Variants in CTNNA2 observed in about 807,000 individuals in gnomAD.
The protein encoded by CTNNA2 is catenin alpha 2, also known as catenin alpha-2.
A neutral mutation model predicts 101.0 loss-of-function variants in CTNNA2; 42 were observed. That is an observed-to-expected ratio of 0.42 (90% CI 0.32 to 0.54). The LOEUF is 0.54. Among genes scored for constraint, CTNNA2 ranks in the 20% least tolerant of loss-of-function variants. The probability of loss-of-function intolerance (pLI) is 0.14; values close to 1 mark genes in which losing one functional copy is unlikely to be tolerated. For synonymous variants in CTNNA2, 450 were observed against 456.4 expected (o/e 0.99, Z 0.18); for missense variants, 871 against 1,223.1 (o/e 0.71, Z 4.29).
Position 80,001,842 on chromosome 2 carries a change from A to G in CTNNA2, c.1056+92045A>G, listed in dbSNP as rs543844343. 2.3e-3 allele frequency among the ~76,000 whole-genome samples: 344 copies of G among 152,336 alleles called. 1 individual carries two copies. The highest frequency in any genetic ancestry group is 7.9e-3 in the African/African-American group (330 of 41,566). ...CCCTGTATGATTTCATTTGGAAAAC[A>G]TAAAGTGTGCTATTCTAGCTTTTTG... On this transcript the variant is annotated intron_variant, in intron 7 of 18. Coordinates refer to ENST00000402739, the MANE Select transcript of CTNNA2 (RefSeq NM_001282597.3).
chr2:79,961,199 G>A (rs1437272619), intron 7 of CTNNA2, among the ~76,000 whole-genome samples: 1 of 152,170 alleles, frequency 6.6e-6, no homozygotes, highest in Non-Finnish European at 1.5e-5. Context: ...ATAGTATAAT[G>A]TGCTGTTCTG....
chr2:79,767,607 T>A (rs563404459), intron 3 of CTNNA2, among the ~76,000 whole-genome samples: 29 of 152,248 alleles, frequency 1.9e-4, no homozygotes, highest in African/African-American at 5.8e-4. Flanking sequence ...GTAGAGGTAC[T>A]GCCTCGATGA....
intron 4 of CTNNA2, among the ~76,000 whole-genome samples, chr2:79,403,056 A>G (rs1678306593): frequency 6.6e-6 from 1 of 151,806 alleles, no homozygotes; most frequent in Non-Finnish European, 1.5e-5. Context: ...CTTTAACAAA[A>G]AAAGAAAAAC....
At chr2:79,670,108 C>T (rs1474958506) in intron 2 of CTNNA2, among the ~76,000 whole-genome samples, 2 of 152,192 alleles carry the variant, frequency 1.3e-5, no homozygotes, top group Admixed American at 1.3e-4. Context: ...AGAGATGCCC[C>T]AGTCCTGTGC....
chr2:80,246,358 G>T (rs939756676), intron 7 of CTNNA2, among the ~76,000 whole-genome samples: 2 of 152,194 alleles, frequency 1.3e-5, no homozygotes, highest in African/African-American at 2.4e-5. Flanking sequence ...AAATGTTAGT[G>T]CACATACAAT....
chr2:79,684,955 G>C (rs971654615), intron 2 of CTNNA2, among the ~76,000 whole-genome samples: 1 of 152,008 alleles, frequency 6.6e-6, no homozygotes, highest in Non-Finnish European at 1.5e-5. Context: ...TTACATCAAT[G>C]CTGACAGAGG....
chr2:79,556,745 C>T (rs1674471724), intron 1 of CTNNA2, among the ~76,000 whole-genome samples: 1 of 151,974 alleles, frequency 6.6e-6, no homozygotes, highest in African/African-American at 2.4e-5. Flanking sequence ...AATACTGCCT[C>T]CCCTAATTAT....
At chr2:80,571,971 A>G (rs540959867) in intron 12 of CTNNA2, among the ~76,000 whole-genome samples, 78 of 152,258 alleles carry the variant, frequency 5.1e-4, no homozygotes, top group African/African-American at 1.3e-3. Flanking sequence ...TGTGACTCCA[A>G]TGTACAATTA....
intron 4 of CTNNA2, among the ~76,000 whole-genome samples, chr2:79,483,181 A>G (rs1671126058): frequency 6.6e-6 from 1 of 152,250 alleles, no homozygotes; most frequent in South Asian, 2.1e-4. Flanking sequence ...GACATGACAC[A>G]GTGAAAAGAA....
intron 2 of CTNNA2, among the ~76,000 whole-genome samples, chr2:79,202,678 T>A (rs1274714276): frequency 6.6e-6 from 1 of 152,206 alleles, no homozygotes; most frequent in Non-Finnish European, 1.5e-5. Flanking sequence ...TAGGTGAAGT[T>A]CCCTCAATGT....
chr2:79,616,052 A>G (rs1432625771), intron 1 of CTNNA2, among the ~76,000 whole-genome samples: 1 of 152,200 alleles, frequency 6.6e-6, no homozygotes, highest in Non-Finnish European at 1.5e-5. Context: ...TCTTTCATGC[A>G]ACACCAGCAT....
At chr2:79,936,166 A>ATT (rs753249714) in intron 7 of CTNNA2, among the ~76,000 whole-genome samples, 32 of 146,068 alleles carry the variant, frequency 2.2e-4, no homozygotes, top group African/African-American at 8.1e-4. Context: ...GTTTGATTCT[A>ATT]TTTTTTTTTT....
At chr2:79,372,312 G>A (rs1269909516) in intron 3 of CTNNA2, among the ~76,000 whole-genome samples, 1 of 152,074 alleles carries the variant, frequency 6.6e-6, no homozygotes, top group South Asian at 2.1e-4. Flanking sequence ...TCACTGCCCA[G>A]CAAAGAAGCA....
intron 4 of CTNNA2, among the ~76,000 whole-genome samples, chr2:79,463,611 T>C (rs1046566366): frequency 2.0e-5 from 3 of 152,280 alleles, no homozygotes; most frequent in Admixed American, 2.0e-4. Context: ...TCTTCTTGGC[T>C]CAACAATGTT....
intron 7 of CTNNA2, among the ~76,000 whole-genome samples, chr2:80,339,175 G>A (rs186081441): frequency 3.3e-4 from 47 of 142,414 alleles, no homozygotes; most frequent in Non-Finnish European, 7.9e-5. Flanking sequence ...ATAATATAAC[G>A]TGTGTGTGTG....
intron 15 of CTNNA2, among the ~76,000 whole-genome samples, chr2:80,591,244 G>A (rs187138506): frequency 3.6e-4 from 55 of 152,168 alleles, no homozygotes; most frequent in Admixed American, 3.1e-3. Context: ...GTTTCATAGG[G>A]ATTTCATATC....
intron 9 of CTNNA2, among the ~76,000 whole-genome samples, chr2:80,472,962 A>G (rs1424942758): frequency 3.3e-5 from 5 of 152,200 alleles, no homozygotes; most frequent in Non-Finnish European, 7.3e-5. Flanking sequence ...AGTGAAATGT[A>G]TTAGGTACCT....
intron 9 of CTNNA2, among the ~76,000 whole-genome samples, chr2:80,471,173 T>C (rs1685273884): frequency 6.6e-6 from 1 of 152,150 alleles, no homozygotes; most frequent in Admixed American, 6.5e-5. Flanking sequence ...CTGACTCCCA[T>C]GTCAGAAATC....
chr2:79,532,004 A>G (rs967456834), intron 1 of CTNNA2, among the ~76,000 whole-genome samples: 2 of 152,114 alleles, frequency 1.3e-5, no homozygotes, highest in Non-Finnish European at 2.9e-5. Flanking sequence ...TTAAAAATAA[A>G]TCCTCCATAT....
Sources: gnomAD v4.1 joint callset for allele counts (sites outside exome capture counted in the v4.1 genomes callset) on GRCh38, gnomAD v4.1.1 for gene constraint, MANE v1.5 for transcripts, NCBI Gene and HGNC (gene_info 2026-07-23, HGNC 2026-07-21) for gene names.